Variants in MSRA observed in about 807,000 individuals in gnomAD.
The protein encoded by MSRA is mitochondrial peptide methionine sulfoxide reductase.
In MSRA, 54 loss-of-function variants were observed where a neutral mutation model predicts 31.3. That is an observed-to-expected ratio of 1.73 (90% CI 1.39 to 2.17). MSRA has a LOEUF of 2.17. Among genes scored for constraint, MSRA ranks in the 30% most tolerant of loss-of-function variants. MSRA has a pLI of 0.00. For missense variants in MSRA, 507 were observed against 300.9 expected (o/e 1.69, Z -5.07); for synonymous variants, 169 against 116.5 (o/e 1.45, Z -2.90).
At chr8:10,223,266 C>CA (rs1810686315) in intron 2 of MSRA, among the ~76,000 whole-genome samples, 1 of 152,066 alleles carries the variant, frequency 6.6e-6, no homozygotes, top group Non-Finnish European at 1.5e-5. Flanking sequence ...GGATCTCATA[C>CA]AAAATGGGTC....
At chr8:10,425,747 T>C (rs1809118057) in intron 5 of MSRA, among the ~76,000 whole-genome samples, 1 of 152,250 alleles carries the variant, frequency 6.6e-6, no homozygotes, top group African/African-American at 2.4e-5. Context: ...CGATCACACC[T>C]GTGGGCAAGA....
chr8:10,317,870 T>G (rs943181064), intron 4 of MSRA, among the ~76,000 whole-genome samples: 1 of 152,200 alleles, frequency 6.6e-6, no homozygotes, highest in Non-Finnish European at 1.5e-5. Context: ...GAAAATACTG[T>G]AGCTCATGGG....
At chr8:10,119,901 C>T (rs2129017333) in intron 1 of MSRA, among the ~76,000 whole-genome samples, 1 of 152,238 alleles carries the variant, frequency 6.6e-6, no homozygotes, top group Admixed American at 6.5e-5. Flanking sequence ...TTAAGAGAAA[C>T]CAACAAGAGC....
chr8:10,286,800 A>T (rs10903322), intron 3 of MSRA, among the ~76,000 whole-genome samples: 4 of 152,238 alleles, frequency 2.6e-5, no homozygotes, highest in Non-Finnish European at 5.9e-5. Context: ...TGGCCTGTCC[A>T]GCTGGGACAG....
At chr8:10,400,230 G>C (rs1286514342) in intron 5 of MSRA, among the ~76,000 whole-genome samples, 1 of 152,134 alleles carries the variant, frequency 6.6e-6, no homozygotes, top group East Asian at 1.9e-4. Context: ...GGCTGGGGCA[G>C]GGAGAGGGGC....
At chr8:10,059,254 A>G (rs1252449143) in intron 1 of MSRA, among the ~76,000 whole-genome samples, 1 of 152,224 alleles carries the variant, frequency 6.6e-6, no homozygotes, top group East Asian at 1.9e-4. Context: ...TATGATGATA[A>G]TAGCTCACAC....
intron 1 of MSRA, among the ~76,000 whole-genome samples, chr8:10,206,850 C>G (rs1259627637): frequency 1.3e-5 from 2 of 152,192 alleles, no homozygotes; most frequent in Non-Finnish European, 2.9e-5. Context: ...GTTGTTATTT[C>G]TTGAAGATAA....
At chr8:10,095,477 C>G in intron 1 of MSRA, 6 of 985,302 alleles carry the variant, frequency 6.1e-6, no homozygotes, top group Non-Finnish European at 7.2e-6. Flanking sequence ...CTTTTGGAGA[C>G]AAGAATTCAG....
intron 3 of MSRA, among the ~76,000 whole-genome samples, chr8:10,275,441 A>G (rs888170439): frequency 6.6e-6 from 1 of 152,236 alleles, no homozygotes; most frequent in East Asian, 1.9e-4. Flanking sequence ...TTTCTGACAC[A>G]TGGGAATTTT....
rs1804555526 is a variant in MSRA at position 10,357,137 on chromosome 8, G to A, written c.543+37148G>A. 3.9e-5 allele frequency among the ~76,000 whole-genome samples: 6 copies of A among 152,222 alleles called. No individual in the cohort carries two copies. The South Asian group carries it at 1.2e-3, about 31-fold the overall frequency. ...CTTTTCATCGGCAAACCTACACCAT[G>A]TGGTTTTTGCTCCTTTTCACGTTAA... On this transcript the variant is annotated intron_variant, in intron 5 of 5. Transcript: ENST00000317173.
At chr8:10,182,989 G>T (rs1806677933) in intron 1 of MSRA, among the ~76,000 whole-genome samples, 1 of 152,162 alleles carries the variant, frequency 6.6e-6, no homozygotes, top group African/African-American at 2.4e-5. Flanking sequence ...ATACTGTGTA[G>T]ACCAAGTCTT....
At chr8:10,372,778 TAAGAGTC>T (rs1197847697) in intron 5 of MSRA, among the ~76,000 whole-genome samples, 2 of 152,284 alleles carry the variant, frequency 1.3e-5, no homozygotes, top group African/African-American at 4.8e-5. Context: ...TTTGAAGGTT[TAAGAGTC>T]AAGATAGACA....
intron 3 of MSRA, among the ~76,000 whole-genome samples, chr8:10,283,011 G>A (rs955966163): frequency 2.6e-5 from 4 of 152,052 alleles, no homozygotes; most frequent in Admixed American, 2.0e-4. Flanking sequence ...AGATTAAAGA[G>A]ATGAAAATTC....
intron 5 of MSRA, among the ~76,000 whole-genome samples, chr8:10,334,442 G>T (rs1327746589): frequency 6.6e-6 from 1 of 152,012 alleles, no homozygotes. Context: ...GGGGGCGGGG[G>T]GGAGGTGCAG....
intron 5 of MSRA, among the ~76,000 whole-genome samples, chr8:10,357,528 C>G (rs1457628373): frequency 6.6e-6 from 1 of 152,184 alleles, no homozygotes; most frequent in East Asian, 1.9e-4. Context: ...CTTTGACCAG[C>G]CGGAGCTCCT....
intron 3 of MSRA, among the ~76,000 whole-genome samples, chr8:10,274,873 A>T (rs990789768): frequency 1.3e-5 from 2 of 152,142 alleles, no homozygotes; most frequent in Non-Finnish European, 1.5e-5. Context: ...CCACCCATTC[A>T]GCCAACCAAC....
At chr8:10,389,153 C>G (rs1417798253) in intron 5 of MSRA, among the ~76,000 whole-genome samples, 1 of 152,076 alleles carries the variant, frequency 6.6e-6, no homozygotes, top group Admixed American at 6.6e-5. Context: ...ACTCCTGGGC[C>G]CCAGCACAGG....
intron 2 of MSRA, among the ~76,000 whole-genome samples, chr8:10,212,255 A>T (rs1358893401): frequency 6.6e-6 from 1 of 152,142 alleles, no homozygotes; most frequent in Non-Finnish European, 1.5e-5. Flanking sequence ...GATACATTCG[A>T]GAGTAAAAAG....
At chr8:10,081,368 C>A (rs1461800720) in intron 1 of MSRA, among the ~76,000 whole-genome samples, 2 of 152,194 alleles carry the variant, frequency 1.3e-5, no homozygotes, top group Non-Finnish European at 2.9e-5. Flanking sequence ...TGAAGCTATC[C>A]TTAATATTTC....
Sources: allele counts gnomAD v4.1 joint callset (sites outside exome capture counted in the v4.1 genomes callset), GRCh38; gene constraint gnomAD v4.1.1; transcripts MANE v1.5; gene names NCBI Gene and HGNC (gene_info 2026-07-23, HGNC 2026-07-21).